Variants in NLRP13 observed in about 807,000 individuals in gnomAD.
The protein encoded by NLRP13 is NLR family pyrin domain containing 13.
Under a neutral mutation model 94.4 loss-of-function variants are expected in NLRP13, and 82 were observed. That is an observed-to-expected ratio of 0.87 (90% CI 0.73 to 1.04). NLRP13 has a LOEUF of 1.04. Among genes scored for constraint, NLRP13 ranks in the 50% least tolerant of loss-of-function variants. NLRP13 has a pLI of 0.00. For missense variants in NLRP13, 1,426 were observed against 1,230.8 expected, an observed-to-expected ratio of 1.16 and a Z score of -2.37; for synonymous variants, 553 against 464.7, an observed-to-expected ratio of 1.19 and a Z score of -2.45.
At chr19:55,915,257 G>T (rs1231715113) in intron 4 of NLRP13, among the ~76,000 whole-genome samples, 1 of 152,162 alleles carries the variant, frequency 6.6e-6, no homozygotes, top group Non-Finnish European at 1.5e-5. Flanking sequence ...GGTTCGAGAT[G>T]GCTGACTGGA....
intron 1 of NLRP13, among the ~76,000 whole-genome samples, chr19:55,926,077 A>G (rs1289673821): frequency 2.0e-5 from 3 of 152,154 alleles, no homozygotes; most frequent in Admixed American, 1.3e-4. Context: ...GGAAAAGTAG[A>G]CGATTTTCCC....
In NLRP13 at chr19:55,907,967, G is replaced by C; in HGVS notation, c.2283-11C>G. 6.3e-7 allele frequency: 1 copy of C among 1,587,060 alleles called. No homozygotes were observed. Among genetic ancestry groups the C allele is most frequent in the Non-Finnish European group, 8.6e-7 (1 of 1,164,344 alleles). ...GTTACCGATTTGCACCTGAGGAAGG[G>C]AAGGGACATGAAAGCTGGATTGGGG... On this transcript the variant is annotated splice_polypyrimidine_tract_variant and intron_variant, in intron 6 of 10. Transcript: ENST00000342929.
intron 9 of NLRP13, among the ~76,000 whole-genome samples, chr19:55,900,863 G>C (rs1986149848): frequency 6.6e-6 from 1 of 151,908 alleles, no homozygotes; most frequent in Non-Finnish European, 1.5e-5. Context: ...GATGAAAGGA[G>C]ATAGGCCATA....
chr19:55,931,142 G>T (rs1987122238), intron 1 of NLRP13, among the ~76,000 whole-genome samples: 1 of 151,952 alleles, frequency 6.6e-6, no homozygotes, highest in Admixed American at 6.6e-5. Flanking sequence ...AAAGAACAAT[G>T]ATCTGAAATC....
intron 1 of NLRP13, among the ~76,000 whole-genome samples, chr19:55,931,296 G>A (rs1243333658): frequency 6.6e-6 from 1 of 152,094 alleles, no homozygotes; most frequent in African/African-American, 2.4e-5. Context: ...CAGGGCGGGG[G>A]TTGTTGTGGT....
intron 9 of NLRP13, 39 bp from the exon 10 acceptor site, chr19:55,898,976 G>C (rs779558762): frequency 6.3e-7 from 1 of 1,582,402 alleles, no homozygotes; most frequent in Non-Finnish European, 8.6e-7. Flanking sequence ...GAAAGTAATT[G>C]CGTCCCGAAG....
At chr19:55,896,648 C>G (rs1181811497) in intron 10 of NLRP13, among the ~76,000 whole-genome samples, 4 of 151,468 alleles carry the variant, frequency 2.6e-5, no homozygotes, top group Non-Finnish European at 4.4e-5. Context: ...GAAACCCTGT[C>G]TCTACTACAA....
At chr19:55,907,521 G>A (rs1190326251) in intron 7 of NLRP13, among the ~76,000 whole-genome samples, 1 of 152,164 alleles carries the variant, frequency 6.6e-6, no homozygotes, top group Non-Finnish European at 1.5e-5. Context: ...GCAGCAAGCA[G>A]AGATCACGTC....
At chr19:55,931,738 G>GAAAGAAAGAAAGA (rs1987150527) in intron 1 of NLRP13, among the ~76,000 whole-genome samples, 1 of 134,604 alleles carries the variant, frequency 7.4e-6, no homozygotes, top group African/African-American at 3.2e-5. Context: ...AAGAAAGAAA[G>GAAAGAAAGAAAGA]AAAGAAAAAG....
chr19:55,903,745 C>T (rs533823950), intron 8 of NLRP13, among the ~76,000 whole-genome samples: 34 of 152,200 alleles, frequency 2.2e-4, no homozygotes, highest in Non-Finnish European at 3.1e-4. Context: ...TAAACCACCT[C>T]GAATCCATTG....
intron 8 of NLRP13, among the ~76,000 whole-genome samples, chr19:55,904,580 T>C (rs1158445220): frequency 6.6e-6 from 1 of 152,214 alleles, no homozygotes; most frequent in South Asian, 2.1e-4. Flanking sequence ...TGTTTTGTTT[T>C]TATATGTCAC....
chr19:55,921,530 G>C (rs1191051164), intron 4 of NLRP13, among the ~76,000 whole-genome samples: 1 of 152,114 alleles, frequency 6.6e-6, no homozygotes, highest in Non-Finnish European at 1.5e-5. Flanking sequence ...TAAAAAGCTG[G>C]AAGCCTAGAT....
At chr19:55,899,744 T>C (rs1202702786) in intron 9 of NLRP13, among the ~76,000 whole-genome samples, 3 of 152,074 alleles carry the variant, frequency 2.0e-5, no homozygotes, top group Non-Finnish European at 4.4e-5. Flanking sequence ...TGCACCATTG[T>C]ACTCCAGCCT....
At chr19:55,895,806 T>TC (rs1449557456), downstream of NLRP13, 89 of 879,442 alleles carry the variant, frequency 1.0e-4, no homozygotes, top group Middle Eastern at 3.4e-4. Flanking sequence ...CAGAGATCAC[T>TC]CCCACCCTTA....
intron 9 of NLRP13, among the ~76,000 whole-genome samples, chr19:55,900,498 G>A (rs918177268): frequency 4.6e-5 from 7 of 151,954 alleles, no homozygotes; most frequent in African/African-American, 1.5e-4. Flanking sequence ...CAGGCCAGGC[G>A]CGGTGGCTCA....
At chr19:55,901,268 T>C (rs537674329) in intron 9 of NLRP13, among the ~76,000 whole-genome samples, 4 of 152,202 alleles carry the variant, frequency 2.6e-5, no homozygotes, top group African/African-American at 9.7e-5. Flanking sequence ...CAAAGGAGAA[T>C]GAAAGTTTTT....
chr19:55,896,656 C>CA (rs1245634757), intron 10 of NLRP13, among the ~76,000 whole-genome samples: 1 of 150,526 alleles, frequency 6.6e-6, no homozygotes, highest in Admixed American at 6.7e-5. Context: ...GTCTCTACTA[C>CA]AAAAAATACA....
At chr19:55,920,107 T>G (rs11671782) in intron 4 of NLRP13, among the ~76,000 whole-genome samples, 24,635 of 152,100 alleles carry the variant, frequency 0.16, 2,048 homozygotes, top group East Asian at 0.22. Context: ...TAAACGGTGC[T>G]GGGAAAACTG....
At chr19:55,917,133 T>C (rs1455987388) in intron 4 of NLRP13, among the ~76,000 whole-genome samples, 1 of 152,106 alleles carries the variant, frequency 6.6e-6, no homozygotes, top group Non-Finnish European at 1.5e-5. Flanking sequence ...GCTTTATAAA[T>C]GAAGAAATAA....
Sources: gnomAD v4.1 joint callset for allele counts (sites outside exome capture counted in the v4.1 genomes callset) on GRCh38, gnomAD v4.1.1 for gene constraint, MANE v1.5 for transcripts, NCBI Gene and HGNC (gene_info 2026-07-23, HGNC 2026-07-21) for gene names.